The following FOXN3 variants were observed in gnomAD, a reference collection of about 807,000 sequenced individuals.
The protein encoded by FOXN3 is forkhead box protein N3.
FOXN3 carries 7 observed loss-of-function variants against 38.4 expected under a neutral mutation model. The observed-to-expected ratio is 0.18, with a 90% CI of 0.10 to 0.34. The LOEUF (loss-of-function observed/expected upper bound fraction) is 0.34, where lower values mean the gene tolerates loss of function less well. Ranked by LOEUF, FOXN3 falls within the 10% of genes least tolerant of loss-of-function variation. The probability of loss-of-function intolerance (pLI) is 1.00; values close to 1 mark genes in which losing one functional copy is unlikely to be tolerated. For missense variants in FOXN3, 456 were observed against 613.4 expected (o/e 0.74, Z 2.71); for synonymous variants, 230 against 242.2 (o/e 0.95, Z 0.47).
chr14:89,294,739 T>C (rs931809316), intron 3 of FOXN3, among the ~76,000 whole-genome samples: 6 of 152,140 alleles, frequency 3.9e-5, no homozygotes, highest in African/African-American at 1.4e-4. Flanking sequence ...CATCAGGAAG[T>C]TACCCTATAT....
intron 1 of FOXN3, among the ~76,000 whole-genome samples, chr14:89,456,427 C>T (rs1275748924): frequency 1.3e-5 from 2 of 152,062 alleles, no homozygotes; most frequent in African/African-American, 4.8e-5. Context: ...ATGCCTGGCA[C>T]ATAGTAGGTG....
chr14:89,290,576 C>A, intron 3 of FOXN3: 1 of 556,766 alleles, frequency 1.8e-6, no homozygotes, highest in South Asian at 1.4e-5. Flanking sequence ...TCAGCTCAGT[C>A]TCTGAAATCA....
chr14:89,433,630 C>G lies in FOXN3; in HGVS notation c.-14-21140G>C, dbSNP rs143948450. On this transcript the variant is annotated intron_variant, in intron 1 of 6. Transcript: ENST00000345097. ...CCAGCCTGGCCAACACGATGAAACTCTGTCTCTACTAAAAATACAAAAAAT... is the reference window on the plus strand; with the variant it reads ...CCAGCCTGGCCAACACGATGAAACTGTGTCTCTACTAAAAATACAAAAAAT... Among the ~76,000 whole-genome samples the G allele has an allele frequency of 4.1e-4, 63 of 152,136 alleles. No homozygotes were observed. In the East Asian group the frequency reaches 0.011, roughly 26 times the overall value.
At chr14:89,473,502 A>T (rs7147702) in intron 1 of FOXN3, among the ~76,000 whole-genome samples, 2,739 of 152,052 alleles carry the variant, frequency 0.018, 87 homozygotes, top group African/African-American at 0.063. Flanking sequence ...CAGCCTCGCA[A>T]GTAGCTGGGA....
chr14:89,289,214 G>GA (rs112198261), intron 3 of FOXN3, among the ~76,000 whole-genome samples: 97,495 of 117,720 alleles, frequency 0.83, 41,072 homozygotes, highest in East Asian at 0.96. Context: ...AAAAAGAAAA[G>GA]AAAAGAAAAA....
intron 3 of FOXN3, among the ~76,000 whole-genome samples, chr14:89,324,185 A>G (rs1887975426): frequency 6.6e-6 from 1 of 152,192 alleles, no homozygotes; most frequent in Non-Finnish European, 1.5e-5. Context: ...CAACACGCCC[A>G]TTAGCTAAAG....
At chr14:89,184,342 C>G (rs888414265) in intron 4 of FOXN3, among the ~76,000 whole-genome samples, 11 of 152,234 alleles carry the variant, frequency 7.2e-5, no homozygotes, top group Admixed American at 1.3e-4. Context: ...GCAAGTTCTT[C>G]TTAACCCTAG....
Position 89,412,469 on chromosome 14 carries a change from G to A in FOXN3, c.8C>T (p.Pro3Leu), listed in dbSNP as rs770932710. ...TGGCTTCTTACTGGGAGGCATGACT[G>A]GACCCATTTACGTGAAGGCTCCTAG... MG[P>L]VMPPSKKPES... Residue 3 changes from proline to leucine, a missense_variant, in exon 2 of 6, where the codon CCA (proline) becomes CTA (leucine). By Grantham distance (98) the Pro-to-Leu change is moderately conservative. Transcript: ENST00000557258. This position sits in a 1 kb window ranked among gnomAD's most constrained non-coding sequence, Gnocchi z 4.7. 1.9e-6 allele frequency: 3 copies of A among 1,600,642 alleles called. No individual in the cohort carries two copies. Among genetic ancestry groups the A allele is most frequent in the Non-Finnish European group, 1.7e-6 (2 of 1,172,012 alleles).
intron 1 of FOXN3, among the ~76,000 whole-genome samples, chr14:89,588,833 G>A (rs1053294829): frequency 3.3e-5 from 5 of 152,204 alleles, no homozygotes; most frequent in African/African-American, 1.2e-4. Flanking sequence ...CAAAGCCAAC[G>A]CTCCTCTGAA....
At chr14:89,194,430 A>G (rs1338165816) in intron 4 of FOXN3, among the ~76,000 whole-genome samples, 1 of 152,150 alleles carries the variant, frequency 6.6e-6, no homozygotes, top group Non-Finnish European at 1.5e-5. Context: ...ACTGTAGATC[A>G]ATGCCAGGAG....
intron 1 of FOXN3, among the ~76,000 whole-genome samples, chr14:89,594,909 G>T (rs1896027597): frequency 6.6e-6 from 1 of 152,034 alleles, no homozygotes; most frequent in Non-Finnish European, 1.5e-5. Context: ...GGCATTTTGT[G>T]TTTCCACATA....
At chr14:89,454,847 T>C (rs538114692) in intron 1 of FOXN3, among the ~76,000 whole-genome samples, 3 of 152,346 alleles carry the variant, frequency 2.0e-5, no homozygotes, top group South Asian at 2.1e-4. Context: ...TTGTTAATTG[T>C]CTTCAAACCC....
At chr14:89,259,536 A>C (rs1885732373) in intron 4 of FOXN3, among the ~76,000 whole-genome samples, 1 of 152,180 alleles carries the variant, frequency 6.6e-6, no homozygotes, top group Admixed American at 6.5e-5. Context: ...TTCCCTTATA[A>C]TTTCTGCACT....
intron 4 of FOXN3, among the ~76,000 whole-genome samples, chr14:89,280,311 A>G (rs1666385508): frequency 6.6e-6 from 1 of 152,234 alleles, no homozygotes; most frequent in Non-Finnish European, 1.5e-5. Flanking sequence ...TTAATGGCAA[A>G]AGTAGAGGTG....
intron 1 of FOXN3, among the ~76,000 whole-genome samples, chr14:89,598,121 C>A (rs1010661324): frequency 3.3e-5 from 5 of 152,210 alleles, no homozygotes; most frequent in Admixed American, 6.5e-5. Context: ...CTTAACTTAT[C>A]AATGACAACA....
intron 3 of FOXN3, among the ~76,000 whole-genome samples, chr14:89,290,010 C>A (rs1306405618): frequency 6.6e-6 from 1 of 152,116 alleles, no homozygotes; most frequent in Non-Finnish European, 1.5e-5. Flanking sequence ...ACTAAAATCG[C>A]ACACACACAG....
intron 4 of FOXN3, among the ~76,000 whole-genome samples, chr14:89,246,041 T>C (rs1566937807): frequency 1.3e-5 from 2 of 152,090 alleles, no homozygotes; most frequent in African/African-American, 4.8e-5. Flanking sequence ...ACAGGGTTTT[T>C]CCCCCGCACT....
chr14:89,490,080 A>T (rs544725606), intron 1 of FOXN3, among the ~76,000 whole-genome samples: 1 of 152,332 alleles, frequency 6.6e-6, no homozygotes, highest in Non-Finnish European at 1.5e-5. Context: ...GAAAACGAAG[A>T]GATCTTTTTT....
At chr14:89,575,497 GCTGGTGAATTCT>G (rs1367514852) in intron 1 of FOXN3, among the ~76,000 whole-genome samples, 1 of 152,112 alleles carries the variant, frequency 6.6e-6, no homozygotes, top group Non-Finnish European at 1.5e-5. Flanking sequence ...CCTCTCCAAT[GCTGGTGAATTCT>G]CTGCAAAGCA....
Sources: gnomAD v4.1 joint callset for allele counts (sites outside exome capture counted in the v4.1 genomes callset) on GRCh38, gnomAD v4.1.1 for gene constraint, Gnocchi (gnomAD v3.1) non-coding constraint, MANE v1.5 for transcripts, NCBI Gene and HGNC (gene_info 2026-07-23, HGNC 2026-07-21) for gene names.